BRINP3: variants seen among roughly 807,000 people sequenced by gnomAD.
The protein encoded by BRINP3 is BMP/retinoic acid-inducible neural-specific protein 3.
In BRINP3, 19 loss-of-function variants were observed where a neutral mutation model predicts 71.0. That is an observed-to-expected ratio of 0.27 (90% CI 0.19 to 0.39). The LOEUF (loss-of-function observed/expected upper bound fraction) is 0.39. Among genes scored for constraint, BRINP3 ranks in the 10% least tolerant of loss-of-function variants. BRINP3 has a pLI of 1.00. For missense variants in BRINP3, 959 were observed against 940.8 expected, an observed-to-expected ratio of 1.02 and a Z score of -0.25; for synonymous variants, 380 against 337.7, an observed-to-expected ratio of 1.13 and a Z score of -1.37.
At chr1:190,348,650 A>G (rs576901993) in intron 2 of BRINP3, among the ~76,000 whole-genome samples, 7 of 152,166 alleles carry the variant, frequency 4.6e-5, no homozygotes, top group Non-Finnish European at 1.0e-4. Context: ...AAATATATTA[A>G]GCACTTTTAC....
chr1:190,221,583 T>G lies in BRINP3; in HGVS notation c.961+4499A>C, dbSNP rs561131891. On this transcript the variant is annotated intron_variant, in intron 6 of 7. Transcript: ENST00000367462. ...CTTATTTATCAATAATAACACTGAA[T>G]GTAAATGATCTCACTTCCCCAATTA... Among the ~76,000 whole-genome samples, 307 of 152,240 alleles carry G rather than the reference T, an allele frequency of 2.0e-3. 1 individual carries two copies. Among genetic ancestry groups the G allele is most frequent in the African/African-American group, 7.1e-3 (294 of 41,554 alleles).
intron 2 of BRINP3, among the ~76,000 whole-genome samples, chr1:190,386,269 A>T (rs1414717713): frequency 6.6e-6 from 1 of 151,524 alleles, no homozygotes; most frequent in Non-Finnish European, 1.5e-5. Flanking sequence ...AATAATAAAA[A>T]TAAACTACAA....
intron 4 of BRINP3, among the ~76,000 whole-genome samples, chr1:190,259,925 G>A (rs1244982294): frequency 2.0e-5 from 3 of 151,812 alleles, no homozygotes; most frequent in African/African-American, 4.8e-5. Context: ...CTACTTGGGA[G>A]GCTGAGATAG....
At chr1:190,265,115 A>C in intron 3 of BRINP3, 60 bp from the exon 4 acceptor site, 5 of 1,441,640 alleles carry the variant, frequency 3.5e-6, no homozygotes, top group Non-Finnish European at 4.7e-6. Context: ...TTTTTAACTT[A>C]TCTGCAGGTG....
At chr1:190,299,869 A>C (rs111842497) in intron 2 of BRINP3, among the ~76,000 whole-genome samples, 1 of 151,934 alleles carries the variant, frequency 6.6e-6, no homozygotes, top group Admixed American at 6.6e-5. Context: ...AAGAATGTTG[A>C]ATATTGGCCC....
At chr1:190,408,355 T>C (rs1148619) in intron 2 of BRINP3, among the ~76,000 whole-genome samples, 54,886 of 151,950 alleles carry the variant, frequency 0.36, 10,954 homozygotes, top group Admixed American at 0.48. Flanking sequence ...ACATTTGTCA[T>C]TTTATAAATA....
chr1:190,438,439 C>A (rs1342951306), intron 2 of BRINP3, among the ~76,000 whole-genome samples: 2 of 150,844 alleles, frequency 1.3e-5, no homozygotes, highest in East Asian at 3.9e-4. Flanking sequence ...ACACAATTAA[C>A]AAAATTTTCA....
chr1:190,297,803 T>C (rs549844796), intron 2 of BRINP3, among the ~76,000 whole-genome samples: 53 of 151,114 alleles, frequency 3.5e-4, no homozygotes, highest in Admixed American at 5.9e-4. Context: ...TGTGTGTGTG[T>C]GCGTGTGTGT....
At chr1:190,472,327 T>C (rs1435135798) in intron 1 of BRINP3, among the ~76,000 whole-genome samples, 3 of 151,494 alleles carry the variant, frequency 2.0e-5, no homozygotes, top group African/African-American at 4.8e-5. Flanking sequence ...ACTCTACTTT[T>C]CCCAATAACC....
chr1:190,099,737 T>C (rs1651532079), intron 7 of BRINP3, among the ~76,000 whole-genome samples: 1 of 152,124 alleles, frequency 6.6e-6, no homozygotes, highest in Admixed American at 6.5e-5. Context: ...CTCAAAGAAA[T>C]ATTAAAACAT....
chr1:190,103,831 T>A (rs955246957), intron 7 of BRINP3, among the ~76,000 whole-genome samples: 1 of 151,478 alleles, frequency 6.6e-6, no homozygotes, highest in Non-Finnish European at 1.5e-5. Flanking sequence ...CACTAAAGCC[T>A]GTCATAATAC....
intron 7 of BRINP3, among the ~76,000 whole-genome samples, chr1:190,117,296 T>C (rs528645221): frequency 6.6e-6 from 1 of 152,020 alleles, no homozygotes; most frequent in Non-Finnish European, 1.5e-5. Flanking sequence ...TATAAGTATT[T>C]ATTAACTTCC....
At chr1:190,238,935 AT>A (rs1658790240) in intron 4 of BRINP3, among the ~76,000 whole-genome samples, 1 of 152,164 alleles carries the variant, frequency 6.6e-6, no homozygotes, top group African/African-American at 2.4e-5. Flanking sequence ...TATAAAGGAA[AT>A]AGGTTTAATC....
chr1:190,345,510 T>C (rs1204915832), intron 2 of BRINP3, among the ~76,000 whole-genome samples: 1 of 151,614 alleles, frequency 6.6e-6, no homozygotes, highest in Non-Finnish European at 1.5e-5. Flanking sequence ...ATATTAGTCA[T>C]ATATATCTAT....
intron 2 of BRINP3, among the ~76,000 whole-genome samples, chr1:190,335,927 A>G (rs1440646466): frequency 6.6e-6 from 1 of 151,998 alleles, no homozygotes; most frequent in African/African-American, 2.4e-5. Context: ...ATCTGATAAC[A>G]GAACTTATTT....
At chr1:190,471,446 A>G (rs1198229014) in intron 1 of BRINP3, among the ~76,000 whole-genome samples, 1 of 151,404 alleles carries the variant, frequency 6.6e-6, no homozygotes, top group Non-Finnish European at 1.5e-5. Context: ...AAAATTATGA[A>G]TTATTAACAC....
chr1:190,467,448 C>T (rs1011623742), intron 1 of BRINP3, among the ~76,000 whole-genome samples: 5 of 151,362 alleles, frequency 3.3e-5, no homozygotes, highest in Non-Finnish European at 7.4e-5. Flanking sequence ...TGCTGTTTTC[C>T]AATTGCCTCC....
chr1:190,100,480 C>G (rs946503914), intron 7 of BRINP3, among the ~76,000 whole-genome samples: 11 of 152,172 alleles, frequency 7.2e-5, no homozygotes, highest in African/African-American at 2.6e-4. Flanking sequence ...GATAACAAGC[C>G]TTTAATATTT....
intron 7 of BRINP3, among the ~76,000 whole-genome samples, chr1:190,138,819 G>A (rs1655186867): frequency 6.6e-6 from 1 of 152,164 alleles, no homozygotes; most frequent in Non-Finnish European, 1.5e-5. Context: ...CAATGACTTA[G>A]TACAAAAATG....
Sources: gnomAD v4.1 joint callset for allele counts (sites outside exome capture counted in the v4.1 genomes callset) on GRCh38, gnomAD v4.1.1 for gene constraint, MANE v1.5 for transcripts, NCBI Gene and HGNC (gene_info 2026-07-23, HGNC 2026-07-21) for gene names.